The following GPC5 variants were observed in gnomAD, a reference collection of about 807,000 sequenced individuals.
The protein encoded by GPC5 is glypican-5.
A neutral mutation model predicts 53.9 loss-of-function variants in GPC5; 47 were observed. The ratio of observed to expected loss-of-function variants is 0.87; its 90% CI spans 0.69 to 1.11. The LOEUF (loss-of-function observed/expected upper bound fraction) is 1.11, where lower values mean the gene tolerates loss of function less well. Among genes scored for constraint, GPC5 ranks in the 50% most tolerant of loss-of-function variants. The pLI is 0.00. For synonymous variants in GPC5, 286 were observed against 263.3 expected, an observed-to-expected ratio of 1.09 and a Z score of -0.84; for missense variants, 748 against 713.1, an observed-to-expected ratio of 1.05 and a Z score of -0.56.
intron 6 of GPC5, among the ~76,000 whole-genome samples, chr13:92,088,236 C>T (rs2041351314): frequency 6.6e-6 from 1 of 152,202 alleles, no homozygotes; most frequent in African/African-American, 2.4e-5. Context: ...CCACTCCTTT[C>T]ACTCAAAGTA....
chr13:91,985,383 T>TTG (rs1250214346), intron 6 of GPC5, among the ~76,000 whole-genome samples: 1 of 151,904 alleles, frequency 6.6e-6, no homozygotes, highest in Non-Finnish European at 1.5e-5. Context: ...TTTTTTTTTT[T>TTG]TACTAGTGTG....
chr13:92,249,102 A>T (rs1382164436), intron 7 of GPC5, among the ~76,000 whole-genome samples: 1 of 152,090 alleles, frequency 6.6e-6, no homozygotes, highest in African/African-American at 2.4e-5. Flanking sequence ...CAGGCATATG[A>T]TATGTAATAA....
At chr13:92,321,114 C>T (rs2043212813) in intron 7 of GPC5, among the ~76,000 whole-genome samples, 1 of 152,068 alleles carries the variant, frequency 6.6e-6, no homozygotes, top group Non-Finnish European at 1.5e-5. Context: ...CCTTTTAACA[C>T]ATGGTGATGG....
At chr13:91,990,116 A>G (rs2040444038) in intron 6 of GPC5, among the ~76,000 whole-genome samples, 1 of 152,204 alleles carries the variant, frequency 6.6e-6, no homozygotes, top group Non-Finnish European at 1.5e-5. Flanking sequence ...AAATAACAAT[A>G]TATTGGTATT....
intron 7 of GPC5, among the ~76,000 whole-genome samples, chr13:92,807,267 C>G (rs149265247): frequency 2.8e-4 from 43 of 152,092 alleles, no homozygotes; most frequent in African/African-American, 1.0e-3. Context: ...ATTTAATAAT[C>G]TGAGAAACTA....
At chr13:92,751,303 T>TAAAAAAAAA (rs71123435) in intron 7 of GPC5, among the ~76,000 whole-genome samples, 5 of 38,776 alleles carry the variant, frequency 1.3e-4, no homozygotes, top group African/African-American at 2.5e-4. Context: ...CAGAAACATT[T>TAAAAAAAAA]AAAAAAAAAA....
intron 7 of GPC5, among the ~76,000 whole-genome samples, chr13:92,428,915 A>G (rs750712286): frequency 2.2e-4 from 34 of 152,134 alleles, no homozygotes; most frequent in Non-Finnish European, 4.6e-4. Flanking sequence ...TTCCCTCCAC[A>G]TGTAAAAGCT....
chr13:91,459,955 A>G (rs1025886535), intron 2 of GPC5, among the ~76,000 whole-genome samples: 3 of 152,204 alleles, frequency 2.0e-5, no homozygotes, highest in Non-Finnish European at 2.9e-5. Flanking sequence ...AATCAACCTG[A>G]GTTAAATTTA....
intron 7 of GPC5, among the ~76,000 whole-genome samples, chr13:92,806,798 C>G (rs550258334): frequency 2.0e-5 from 3 of 152,068 alleles, no homozygotes; most frequent in African/African-American, 7.2e-5. Context: ...CCAGTAACAT[C>G]AAAGACCACT....
intron 7 of GPC5, among the ~76,000 whole-genome samples, chr13:92,337,784 C>T (rs777633543): frequency 6.6e-6 from 1 of 152,126 alleles, no homozygotes; most frequent in Non-Finnish European, 1.5e-5. Flanking sequence ...TAGACACAGA[C>T]TTTACACCCT....
intron 2 of GPC5, among the ~76,000 whole-genome samples, chr13:91,490,078 T>C (rs73602339): frequency 0.03 from 4,565 of 152,222 alleles, 239 homozygotes; most frequent in African/African-American, 0.1. Flanking sequence ...GATTATTTGG[T>C]AAGAGATTAT....
rs535271416 is a variant in GPC5 at position 91,805,585 on chromosome 13, C to T, written c.1280+49165C>T. Reference sequence around the variant, plus strand: ...GGAGTCTCTTATTGCCTTATTAAAACATTTATAAATGGGACTTTAATTTAA... The same window carrying T: ...GGAGTCTCTTATTGCCTTATTAAAATATTTATAAATGGGACTTTAATTTAA... On this transcript the variant is annotated intron_variant, in intron 5 of 7. Transcript: ENST00000377067. 4.6e-5 allele frequency among the ~76,000 whole-genome samples: 7 copies of T among 152,228 alleles called. No individual in the cohort carries two copies. The East Asian group carries it at 1.4e-3, about 29-fold the overall frequency.
intron 6 of GPC5, among the ~76,000 whole-genome samples, chr13:92,037,052 C>T (rs1474034220): frequency 6.6e-6 from 1 of 152,190 alleles, no homozygotes; most frequent in Non-Finnish European, 1.5e-5. Context: ...TTTATTTGCT[C>T]TAATCTTCCA....
At chr13:92,494,953 A>G (rs1879914554) in intron 7 of GPC5, among the ~76,000 whole-genome samples, 1 of 152,186 alleles carries the variant, frequency 6.6e-6, no homozygotes, top group Non-Finnish European at 1.5e-5. Context: ...TTTTTTTGTG[A>G]GATACTTAAA....
At chr13:91,498,509 G>A (rs907850412) in intron 2 of GPC5, among the ~76,000 whole-genome samples, 1 of 152,156 alleles carries the variant, frequency 6.6e-6, no homozygotes, top group Non-Finnish European at 1.5e-5. Context: ...ATTAACTAGG[G>A]TGTGAACTGG....
At chr13:91,606,246 C>A (rs2033362460) in intron 2 of GPC5, among the ~76,000 whole-genome samples, 1 of 151,540 alleles carries the variant, frequency 6.6e-6, no homozygotes, top group Non-Finnish European at 1.5e-5. Flanking sequence ...TGTTCATATG[C>A]TGGATTACAT....
intron 7 of GPC5, among the ~76,000 whole-genome samples, chr13:92,747,165 C>T (rs761679667): frequency 2.0e-5 from 3 of 152,102 alleles, no homozygotes; most frequent in Non-Finnish European, 2.9e-5. Flanking sequence ...ATTGAATATT[C>T]CCCACTGACA....
At chr13:92,031,414 G>C (rs2040840313) in intron 6 of GPC5, among the ~76,000 whole-genome samples, 1 of 151,776 alleles carries the variant, frequency 6.6e-6, no homozygotes. Flanking sequence ...TGGGATTGCT[G>C]AATCAAATGG....
chr13:92,808,130 C>T (rs1222928773), intron 7 of GPC5, among the ~76,000 whole-genome samples: 1 of 151,342 alleles, frequency 6.6e-6, no homozygotes, highest in Non-Finnish European at 1.5e-5. Flanking sequence ...CATATATAAT[C>T]CTTAAAAGGA....
Sources: gnomAD v4.1 joint callset for allele counts (sites outside exome capture counted in the v4.1 genomes callset) on GRCh38, gnomAD v4.1.1 for gene constraint, MANE v1.5 for transcripts, NCBI Gene and HGNC (gene_info 2026-07-23, HGNC 2026-07-21) for gene names.